The following PLSCR2 variants were observed in gnomAD, a reference collection of about 807,000 sequenced individuals.
PLSCR2 encodes PL scramblase 2.
A neutral mutation model predicts 25.3 loss-of-function variants in PLSCR2; 18 were observed. That is an observed-to-expected ratio of 0.71 (90% confidence interval 0.49 to 1.06). The LOEUF is 1.06. Among genes scored for constraint, PLSCR2 ranks in the 50% least tolerant of loss-of-function variants. The pLI, the probability that PLSCR2 is intolerant of heterozygous loss-of-function variation, is 0.00. For missense variants in PLSCR2, 243 were observed against 269.5 expected (o/e 0.90, Z 0.69); for synonymous variants, 88 against 87.3 (o/e 1.01, Z -0.04).
intron 1 of PLSCR2, among the ~76,000 whole-genome samples, chr3:146,466,851 T>C (rs1237616384): frequency 2.6e-5 from 4 of 152,178 alleles, no homozygotes; most frequent in Non-Finnish European, 4.4e-5. Context: ...AAACCCCACA[T>C]TCTCCCAATG....
chr3:146,490,849 C>G (rs1266543275), intron 1 of PLSCR2, among the ~76,000 whole-genome samples: 1 of 152,066 alleles, frequency 6.6e-6, no homozygotes, highest in East Asian at 1.9e-4. Flanking sequence ...CATCTACATT[C>G]AAAATCAATA....
chr3:146,431,174 T>C (rs74848730), downstream of PLSCR2, among the ~76,000 whole-genome samples: 6,212 of 151,966 alleles, frequency 0.041, 175 homozygotes, highest in Admixed American at 0.088. Flanking sequence ...GGAGACACTT[T>C]CTGTCCTAGG....
At chr3:146,440,452 A>T (rs35783134), downstream of PLSCR2, among the ~76,000 whole-genome samples, 38,542 of 152,078 alleles carry the variant, frequency 0.25, 5,284 homozygotes, top group South Asian at 0.44. Context: ...TGCTTTGTTT[A>T]CCTACTCAAG....
intron 3 of PLSCR2, 49 bp from the exon 4 acceptor site, chr3:146,455,508 C>T: frequency 1.8e-6 from 2 of 1,113,272 alleles, no homozygotes; most frequent in Non-Finnish European, 1.4e-6. Flanking sequence ...ATGATTGAAC[C>T]TATCTTAAGA....
At chr3:146,455,535 T>A in intron 3 of PLSCR2, 76 bp from the exon 4 acceptor site, 1 of 824,832 alleles carries the variant, frequency 1.2e-6, no homozygotes, top group African/African-American at 1.7e-5. Flanking sequence ...ATCTAGCTAG[T>A]TTTAGATGAT....
chr3:146,475,799 T>C (rs2042265733), intron 1 of PLSCR2, among the ~76,000 whole-genome samples: 1 of 152,168 alleles, frequency 6.6e-6, no homozygotes, highest in African/African-American at 2.4e-5. Context: ...CTTAGCTTTC[T>C]CTCACTGCTT....
downstream of PLSCR2, among the ~76,000 whole-genome samples, chr3:146,440,698 A>T (rs899748317): frequency 2.6e-5 from 4 of 151,898 alleles, no homozygotes; most frequent in African/African-American, 7.3e-5. Context: ...CCATCTTGGA[A>T]CCTCCTCCTT....
chr3:146,430,287 T>C (rs2108118852), downstream of PLSCR2, among the ~76,000 whole-genome samples: 1 of 152,230 alleles, frequency 6.6e-6, no homozygotes, highest in East Asian at 1.9e-4. Flanking sequence ...CTACTATCAA[T>C]GACAACTATA....
At chr3:146,443,619 C>G (rs944804990) in intron 6 of PLSCR2, among the ~76,000 whole-genome samples, 1 of 151,814 alleles carries the variant, frequency 6.6e-6, no homozygotes, top group Non-Finnish European at 1.5e-5. Context: ...CCTTTTTCAT[C>G]TCTGATGTTA....
intron 2 of PLSCR2, among the ~76,000 whole-genome samples, chr3:146,421,654 G>C (rs1193665744): frequency 6.6e-6 from 1 of 152,004 alleles, no homozygotes; most frequent in East Asian, 1.9e-4. Flanking sequence ...GGAGATCCAA[G>C]CCACCACAAC....
chr3:146,402,875 A>G (rs1447902541), intron 2 of PLSCR2, among the ~76,000 whole-genome samples: 1 of 152,166 alleles, frequency 6.6e-6, no homozygotes, highest in Admixed American at 6.5e-5. Context: ...ATCCTGTGCC[A>G]ACACATATAA....
intron 2 of PLSCR2, among the ~76,000 whole-genome samples, chr3:146,408,978 C>T (rs1173554259): frequency 6.6e-5 from 10 of 152,110 alleles, no homozygotes; most frequent in South Asian, 6.2e-4. Context: ...GGCCTCTCTT[C>T]GGATACATTT....
intron 1 of PLSCR2, among the ~76,000 whole-genome samples, chr3:146,466,800 T>G (rs751650287): frequency 3.3e-5 from 5 of 152,218 alleles, no homozygotes; most frequent in Non-Finnish European, 7.3e-5. Context: ...TCATGTCCAT[T>G]GCATTCATGT....
downstream of PLSCR2, among the ~76,000 whole-genome samples, chr3:146,429,330 C>A (rs113578609): frequency 2.0e-3 from 311 of 152,244 alleles, 1 homozygote; most frequent in African/African-American, 7.1e-3. Flanking sequence ...GTGGCTGTGA[C>A]CAAAATGCTG....
chr3:146,413,129 T>G (rs998185456), intron 2 of PLSCR2, among the ~76,000 whole-genome samples: 6 of 152,182 alleles, frequency 3.9e-5, no homozygotes, highest in Admixed American at 6.5e-5. Context: ...AGTGAGCTTG[T>G]GGAGTGTTGT....
chr3:146,455,901 C>A (rs1275060452), intron 3 of PLSCR2, among the ~76,000 whole-genome samples: 1 of 152,114 alleles, frequency 6.6e-6, no homozygotes, highest in Non-Finnish European at 1.5e-5. Flanking sequence ...TTTTGTAAGT[C>A]ATACTTATGT....
In PLSCR2 at chr3:146,455,568, C is replaced by A; in HGVS notation, c.101-109G>T. 1.0e-5 allele frequency: 7 copies of A among 676,060 alleles called. No homozygotes were observed. The Admixed American group carries it at 1.1e-4, about 10-fold the overall frequency. 41.9% of individuals were successfully genotyped at this position (676,060 alleles called of 1,614,324 possible). On this transcript the variant is annotated intron_variant, in intron 3 of 6. Transcript: ENST00000610787. ...GATGCTCCAAGTATCATAGAAAGAA[C>A]AAAAAGGAATGGTATTTAGAGTTGA...
downstream of PLSCR2, among the ~76,000 whole-genome samples, chr3:146,432,339 A>T (rs889820710): frequency 1.3e-4 from 20 of 152,118 alleles, no homozygotes; most frequent in South Asian, 4.1e-4. Flanking sequence ...TCCCTACCAA[A>T]ATCCTGGGAT....
At chr3:146,454,446 T>A (rs1251894703) in intron 4 of PLSCR2, among the ~76,000 whole-genome samples, 2 of 152,170 alleles carry the variant, frequency 1.3e-5, no homozygotes, top group Admixed American at 6.5e-5. Flanking sequence ...ATAAATAACT[T>A]CAGTTATCCT....
Sources: allele counts gnomAD v4.1 joint callset (sites outside exome capture counted in the v4.1 genomes callset), GRCh38; gene constraint gnomAD v4.1.1; transcripts MANE v1.5; gene names NCBI Gene and HGNC (gene_info 2026-07-23, HGNC 2026-07-21).